Variants in CNTNAP2 observed in about 807,000 individuals in gnomAD.
The protein encoded by CNTNAP2 is contactin-associated protein-like 2.
Under a neutral mutation model 155.2 loss-of-function variants are expected in CNTNAP2, and 98 were observed. The ratio of observed to expected loss-of-function variants is 0.63; its 90% CI spans 0.54 to 0.75. The LOEUF is 0.75. CNTNAP2 is among the 30% of genes least tolerant of loss of function. The pLI, the probability that CNTNAP2 is intolerant of heterozygous loss-of-function variation, is 0.00. For missense variants in CNTNAP2, 1,727 were observed against 1,688.1 expected, an observed-to-expected ratio of 1.02 and a Z score of -0.40; for synonymous variants, 651 against 631.2, an observed-to-expected ratio of 1.03 and a Z score of -0.47.
intron 13 of CNTNAP2, among the ~76,000 whole-genome samples, chr7:147,703,604 T>C (rs963035568): frequency 6.6e-6 from 1 of 152,208 alleles, no homozygotes; most frequent in African/African-American, 2.4e-5. Context: ...TATGTATTTA[T>C]GAGATACACG....
At chr7:146,932,365 G>A (rs1284024172) in intron 3 of CNTNAP2, among the ~76,000 whole-genome samples, 6 of 151,694 alleles carry the variant, frequency 4.0e-5, no homozygotes, top group South Asian at 4.1e-4. Flanking sequence ...ATGCAGAAAA[G>A]GCCTTTGACA....
At chr7:147,249,545 T>C (rs1267629552) in intron 8 of CNTNAP2, among the ~76,000 whole-genome samples, 1 of 137,898 alleles carries the variant, frequency 7.3e-6, no homozygotes, top group Non-Finnish European at 1.5e-5. Context: ...AGAAACCACA[T>C]TAGGAAAGTC....
intron 3 of CNTNAP2, among the ~76,000 whole-genome samples, chr7:146,969,919 A>T (rs1797746771): frequency 6.6e-6 from 1 of 152,192 alleles, no homozygotes; most frequent in South Asian, 2.1e-4. Flanking sequence ...ATCTACAACT[A>T]TCTGATCTTT....
At chr7:147,694,339 G>C (rs1248258510) in intron 13 of CNTNAP2, among the ~76,000 whole-genome samples, 1 of 151,942 alleles carries the variant, frequency 6.6e-6, no homozygotes. Flanking sequence ...GTCTTTGTCT[G>C]GTTTTGGTAT....
In CNTNAP2 at chr7:146,427,158, A is replaced by G. The variant is rs12674274; in HGVS notation, c.97+310185A>G. 1.1e-4 allele frequency among the ~76,000 whole-genome samples: 17 copies of G among 152,322 alleles called. No individual in the cohort carries two copies. The East Asian group carries it at 3.1e-3, about 28-fold the overall frequency. On this transcript the variant is annotated intron_variant, in intron 1 of 23. Transcript: ENST00000361727. ...TGATCATTAAAAAGATTATTTATAT[A>G]TGCATCTTTAAATAGATCGCTTTTA...
intron 11 of CNTNAP2, among the ~76,000 whole-genome samples, chr7:147,516,152 C>G (rs1799122191): frequency 6.6e-6 from 1 of 152,082 alleles, no homozygotes; most frequent in African/African-American, 2.4e-5. Context: ...CTTAATAAAA[C>G]TCTTATAATG....
chr7:147,591,733 G>T (rs1800737546), intron 12 of CNTNAP2, among the ~76,000 whole-genome samples: 1 of 151,922 alleles, frequency 6.6e-6, no homozygotes, highest in African/African-American at 2.4e-5. Context: ...TCTTTGATTT[G>T]TTCCCCAGTA....
chr7:147,243,399 C>T (rs1253428762), intron 8 of CNTNAP2, among the ~76,000 whole-genome samples: 1 of 152,098 alleles, frequency 6.6e-6, no homozygotes, highest in Non-Finnish European at 1.5e-5. Context: ...ACAGGAAGAC[C>T]TGTCCTCTTC....
chr7:148,000,404 G>A lies in CNTNAP2; in HGVS notation c.2383+22415G>A, dbSNP rs567418685. 5.3e-5 allele frequency among the ~76,000 whole-genome samples: 8 copies of A among 152,218 alleles called. No homozygotes were observed. In the East Asian group the frequency reaches 9.7e-4, roughly 18 times the overall value. On this transcript the variant is annotated intron_variant, in intron 15 of 23. Coordinates refer to ENST00000361727, the MANE Select transcript of CNTNAP2 (RefSeq NM_014141.6). ...AATGATTGCAGATAACATCTGTTGCGTATCTACCATGTGTCAGATCTAGTT... is the reference window on the plus strand; with the variant it reads ...AATGATTGCAGATAACATCTGTTGCATATCTACCATGTGTCAGATCTAGTT...
At chr7:146,617,862 G>T (rs930763912) in intron 1 of CNTNAP2, among the ~76,000 whole-genome samples, 1 of 152,074 alleles carries the variant, frequency 6.6e-6, no homozygotes, top group Non-Finnish European at 1.5e-5. Flanking sequence ...AATATAAAAT[G>T]ACTATGATAA....
At chr7:146,372,503 TAA>T (rs1795250220) in intron 1 of CNTNAP2, among the ~76,000 whole-genome samples, 2 of 152,170 alleles carry the variant, frequency 1.3e-5, no homozygotes, top group Non-Finnish European at 1.5e-5. Context: ...CATGAACAAA[TAA>T]AAGTTTATTG....
intron 13 of CNTNAP2, among the ~76,000 whole-genome samples, chr7:147,656,756 C>T (rs1022935767): frequency 6.6e-5 from 10 of 150,882 alleles, no homozygotes; most frequent in African/African-American, 2.4e-4. Context: ...TGAGAGCATG[C>T]CATTGAAAAA....
intron 14 of CNTNAP2, among the ~76,000 whole-genome samples, chr7:147,952,086 A>T (rs1022908739): frequency 2.6e-5 from 4 of 151,914 alleles, no homozygotes; most frequent in African/African-American, 9.7e-5. Context: ...CAAAATTAAG[A>T]TCATTCTTTG....
intron 1 of CNTNAP2, among the ~76,000 whole-genome samples, chr7:146,210,661 A>T (rs2116882426): frequency 6.6e-6 from 1 of 152,296 alleles, no homozygotes; most frequent in East Asian, 1.9e-4. Flanking sequence ...CCTATATCAT[A>T]AATCAAGTAA....
chr7:146,773,124 CACGTTA>C (rs1802325941), intron 1 of CNTNAP2, among the ~76,000 whole-genome samples: 1 of 151,814 alleles, frequency 6.6e-6, no homozygotes, highest in African/African-American at 2.4e-5. Flanking sequence ...CAGTCCTGGC[CACGTTA>C]ACATTAGAAG....
chr7:146,982,009 G>T (rs2129236884), intron 3 of CNTNAP2, among the ~76,000 whole-genome samples: 1 of 152,252 alleles, frequency 6.6e-6, no homozygotes, highest in Non-Finnish European at 1.5e-5. Flanking sequence ...TATTTCAATA[G>T]AAGTTTATTA....
rs35356181 is a variant in CNTNAP2, at chr7:148,266,601, A to AGTGT, written c.3382-421_3382-418dup. On this transcript the variant is annotated intron_variant, in intron 20 of 23. Coordinates refer to ENST00000361727, the MANE Select transcript of CNTNAP2 (RefSeq NM_014141.6). ...TACCCCACTTGACCCTCAGCATTTG[A>AGTGT]GTGTGTGTGTGTGTATGTGTGTGTG... Among the ~76,000 whole-genome samples the AGTGT allele has an allele frequency of 5.1e-3, 768 of 151,504 alleles. 9 individuals are homozygous for AGTGT. Among genetic ancestry groups the AGTGT allele is most frequent in the African/African-American group, 0.018 (732 of 41,290 alleles).
chr7:146,324,696 C>T (rs1260186709), intron 1 of CNTNAP2, among the ~76,000 whole-genome samples: 3 of 151,834 alleles, frequency 2.0e-5, no homozygotes, highest in South Asian at 2.1e-4. Flanking sequence ...ATATCATGAA[C>T]TTTGAAAATG....
chr7:147,664,999 T>C (rs1285149906), intron 13 of CNTNAP2, among the ~76,000 whole-genome samples: 1 of 152,224 alleles, frequency 6.6e-6, no homozygotes, highest in Non-Finnish European at 1.5e-5. Context: ...GATTAAAGTA[T>C]AATATTTACA....
Sources: allele counts gnomAD v4.1 joint callset (sites outside exome capture counted in the v4.1 genomes callset), GRCh38; gene constraint gnomAD v4.1.1; transcripts MANE v1.5; gene names NCBI Gene and HGNC (gene_info 2026-07-23, HGNC 2026-07-21).